LMF1: variants seen among roughly 807,000 people sequenced by gnomAD.
LMF1 encodes lipase maturation factor 1, also known as transmembrane protein 112.
A neutral mutation model predicts 60.6 loss-of-function variants in LMF1; 68 were observed. The ratio of observed to expected loss-of-function variants is 1.12; its 90% CI spans 0.92 to 1.37. The LOEUF is 1.37. Among genes scored for constraint, LMF1 ranks in the 40% most tolerant of loss-of-function variants. The probability of loss-of-function intolerance (pLI) is 0.00; values close to 1 mark genes in which losing one functional copy is unlikely to be tolerated. For missense variants in LMF1, 948 were observed against 767.2 expected, an observed-to-expected ratio of 1.24 and a Z score of -2.78; for synonymous variants, 418 against 324.7, an observed-to-expected ratio of 1.29 and a Z score of -3.09.
chr16:892,918 C>T (rs2070532313), intron 5 of LMF1, 89 bp downstream of exon 5: 2 of 992,494 alleles, frequency 2.0e-6, no homozygotes, highest in Admixed American at 2.6e-5. Context: ...GACAGCTCAC[C>T]AGGGTGTGCA....
chr16:855,317 A>G (rs2069155682), intron 10 of LMF1: 1 of 265,520 alleles, frequency 3.8e-6, no homozygotes, highest in Non-Finnish European at 7.4e-6. Context: ...CCCGAGTGGG[A>G]TGAAGGCCCC....
intron 1 of LMF1, chr16:976,188 C>A (rs1978482): frequency 0.21 from 95,664 of 451,638 alleles, 11,676 homozygotes; most frequent in South Asian, 0.33. Flanking sequence ...AGTGCCTGGG[C>A]CACGGATGGG....
intron 10 of LMF1, chr16:856,194 G>GGGCCCCA (rs2069179907): frequency 2.9e-6 from 1 of 348,638 alleles, no homozygotes. Flanking sequence ...CCACTGCCCT[G>GGGCCCCA]GGCCCCAGGG....
chr16:941,806 C>A (rs71380213), intron 2 of LMF1, among the ~76,000 whole-genome samples: 1 of 152,158 alleles, frequency 6.6e-6, no homozygotes, highest in African/African-American at 2.4e-5. Flanking sequence ...AATATTTTCT[C>A]GCTTCACGTA....
At chr16:882,359 G>C (rs8061755) in intron 5 of LMF1, among the ~76,000 whole-genome samples, 3,964 of 152,320 alleles carry the variant, frequency 0.026, 151 homozygotes, top group African/African-American at 0.091. Flanking sequence ...TGCAGCGTGA[G>C]TGATGTTCTG....
intron 10 of LMF1, 80 bp downstream of exon 10, chr16:868,864 T>G (rs1596856600): frequency 1.2e-4 from 99 of 814,424 alleles, no homozygotes; most frequent in South Asian, 2.8e-4. Flanking sequence ...CAGGTGGGGG[T>G]GCAGGTACAG....
chr16:969,670 C>G (rs1320648223), intron 1 of LMF1, among the ~76,000 whole-genome samples: 1 of 152,224 alleles, frequency 6.6e-6, no homozygotes, highest in East Asian at 1.9e-4. Flanking sequence ...TGGGCAACGC[C>G]CGGGGCCAGC....
rs79406502 is a variant in LMF1 at position 874,610 on chromosome 16, C to A, written c.898-3269G>T. 6.6e-6 allele frequency among the ~76,000 whole-genome samples: 1 copy of A among 152,098 alleles called. No individual in the cohort carries two copies. The highest frequency in any genetic ancestry group is 1.5e-5 in the Non-Finnish European group (1 of 68,002). On this transcript the variant is annotated intron_variant, in intron 6 of 10. Coordinates refer to ENST00000262301, the MANE Select transcript of LMF1 (RefSeq NM_022773.4). The surrounding 1 kb of genome is among the most constrained non-coding windows in gnomAD (Gnocchi z 4.1). The stretch of plus-strand genomic sequence containing the variant: ...CCCTCCGGAACAGCTGTGTAAACTG[C>A]GTGGGAGGAGGGAGGCTGCTCATGC...
At chr16:882,990 G>A (rs145706671) in intron 5 of LMF1, among the ~76,000 whole-genome samples, 3,818 of 136,308 alleles carry the variant, frequency 0.028, 161 homozygotes, top group African/African-American at 0.1. Context: ...AGAGCTGCCC[G>A]GCAGAGCCTA....
chr16:914,573 T>TCCCATGACCACTGGTGACACACTCCC (rs2071221103), intron 3 of LMF1, among the ~76,000 whole-genome samples: 1 of 4,546 alleles, frequency 2.2e-4, no homozygotes. Context: ...CACTCCCTCT[T>TCCCATGACCACTGGTGACACACTCCC]TCCCTCCCTT....
In LMF1 at chr16:970,924, C is replaced by G. The variant is rs774113284; in HGVS notation, c.57G>C (p.Lys19Asn). The part of the protein sequence containing the change: ...AAPAESLRRR[K>N]TGYSDPEPES... The stretch of plus-strand genomic sequence containing the variant: ...CAGGCTCCGGATCCGAGTACCCAGT[C>G]TTCCGCCTCCTCAGCGACTCCGCGG... Residue 19 changes from lysine to asparagine, a missense_variant, in exon 1 of 11, where the codon AAG (lysine) becomes AAC (asparagine). Lys to Asn is a moderately conservative substitution (Grantham distance 94). Coordinates refer to ENST00000262301, the MANE Select transcript of LMF1 (RefSeq NM_022773.4). The G allele has an allele frequency of 8.3e-6, 13 of 1,570,832 alleles. No individual in the cohort carries two copies. The highest frequency in any genetic ancestry group is 3.4e-4 in the Middle Eastern group (2 of 5,816).
intron 6 of LMF1, among the ~76,000 whole-genome samples, chr16:879,096 G>A (rs2070083257): frequency 1.3e-5 from 2 of 152,088 alleles, no homozygotes; most frequent in South Asian, 4.1e-4. Flanking sequence ...GGGTACCCGG[G>A]GTTCCGGGGG....
In LMF1 at chr16:979,329, C is replaced by T; in HGVS notation, c.-135+1816G>A. The T allele has an allele frequency of 4.5e-5, 16 of 354,448 alleles. 1 individual carries two copies. The highest frequency in any genetic ancestry group is 3.3e-4 in the South Asian group (16 of 47,864). 22.0% of individuals were successfully genotyped at this position (354,448 alleles called of 1,614,324 possible). A position where few individuals can be genotyped will look rare whatever the true frequency, so the allele number is the denominator to read the frequency against. On this transcript the variant is annotated intron_variant, in intron 1 of 6. Coordinates refer to the LMF1 transcript ENST00000570014. ...CATGGGGATCCTCACCCACATACCG[C>T]CCTCCCGGGAGTGCACCAACACGTC...
chr16:859,080 TGA>T (rs1491374199), intron 10 of LMF1, among the ~76,000 whole-genome samples: 1 of 105,006 alleles, frequency 9.5e-6, no homozygotes, highest in Non-Finnish European at 1.8e-5. Flanking sequence ...GGGACGGGTG[TGA>T]GTGGTGTCTC....
chr16:930,502 G>A (rs954607294), intron 3 of LMF1, among the ~76,000 whole-genome samples: 1 of 152,058 alleles, frequency 6.6e-6, no homozygotes, highest in Non-Finnish European at 1.5e-5. Context: ...TCAAGGAGCT[G>A]AGATTGCACC....
chr16:898,882 G>T (rs946353490), intron 4 of LMF1: 4 of 152,168 alleles, frequency 2.6e-5, no homozygotes, highest in Non-Finnish European at 4.4e-5. Flanking sequence ...GGCAAACGAC[G>T]TGCACTTCAA....
chr16:958,652 C>T (rs1004720331), intron 1 of LMF1, among the ~76,000 whole-genome samples: 4 of 152,084 alleles, frequency 2.6e-5, no homozygotes, highest in African/African-American at 4.8e-5. Flanking sequence ...TTTGGGAGGC[C>T]GAGGTGGGCA....
chr16:867,164 A>G (rs1211292081), intron 10 of LMF1, among the ~76,000 whole-genome samples: 1 of 152,240 alleles, frequency 6.6e-6, no homozygotes, highest in Non-Finnish European at 1.5e-5. Context: ...GGCAGTGTTC[A>G]ATAATGTTTT....
chr16:870,370 G>A (rs769860729), intron 8 of LMF1, among the ~76,000 whole-genome samples: 1 of 152,226 alleles, frequency 6.6e-6, no homozygotes, highest in Admixed American at 6.5e-5. Context: ...AGGCCAAGGG[G>A]CTGGCCCCAG....
Sources: allele counts gnomAD v4.1 joint callset (sites outside exome capture counted in the v4.1 genomes callset), GRCh38; gene constraint gnomAD v4.1.1; non-coding constraint Gnocchi (gnomAD v3.1); transcripts MANE v1.5; gene names NCBI Gene and HGNC (gene_info 2026-07-23, HGNC 2026-07-21).